ADSS1: variants seen among roughly 807,000 people sequenced by gnomAD.
ADSS1 encodes adenylosuccinate synthase 1.
In ADSS1, 57 loss-of-function variants were observed where a neutral mutation model predicts 59.1. That is an observed-to-expected ratio of 0.97 (90% CI 0.78 to 1.20). The LOEUF is 1.20. Among genes scored for constraint, ADSS1 ranks in the 50% most tolerant of loss-of-function variants. The probability of loss-of-function intolerance (pLI) is 0.00; values close to 1 mark genes in which losing one functional copy is unlikely to be tolerated. For synonymous variants in ADSS1, 247 were observed against 249.4 expected, an observed-to-expected ratio of 0.99 and a Z score of 0.09; for missense variants, 603 against 610.3, an observed-to-expected ratio of 0.99 and a Z score of 0.13.
chr14:104,728,369 C>G (rs1345295845), intron 1 of ADSS1, among the ~76,000 whole-genome samples: 1 of 152,144 alleles, frequency 6.6e-6, no homozygotes, highest in Non-Finnish European at 1.5e-5. Context: ...TACACACAGC[C>G]CTGCCTCATT....
intron 1 of ADSS1, among the ~76,000 whole-genome samples, chr14:104,732,941 A>G (rs1890982752): frequency 6.6e-6 from 1 of 152,112 alleles, no homozygotes; most frequent in Non-Finnish European, 1.5e-5. Context: ...CCCCAAACCC[A>G]GAATCTGTTC....
chr14:104,726,918 G>A (rs1325593819), intron 1 of ADSS1, among the ~76,000 whole-genome samples: 1 of 152,228 alleles, frequency 6.6e-6, no homozygotes, highest in Admixed American at 6.5e-5. Context: ...GCCACCCTGG[G>A]TTTTGGCTAT....
chr14:104,741,398 C>T (rs1891350510), intron 8 of ADSS1, among the ~76,000 whole-genome samples, 155 bp downstream of exon 8: 1 of 152,146 alleles, frequency 6.6e-6, no homozygotes, highest in Non-Finnish European at 1.5e-5. Context: ...TCCTCGTGTC[C>T]TTAGTGTTCC....
At chr14:104,725,942 T>A (rs539074395) in intron 1 of ADSS1, among the ~76,000 whole-genome samples, 140 of 152,342 alleles carry the variant, frequency 9.2e-4, no homozygotes, top group Non-Finnish European at 1.7e-3. Context: ...CGCTCCCAGC[T>A]GTGGAGATGG....
chr14:104,746,740 G>A (rs1157047626), intron 12 of ADSS1, among the ~76,000 whole-genome samples: 1 of 152,246 alleles, frequency 6.6e-6, no homozygotes, highest in East Asian at 1.9e-4. Context: ...TTCCAAGGAA[G>A]AAGGGAGGAG....
At chr14:104,725,021 TG>T (rs1566792065) in intron 1 of ADSS1, among the ~76,000 whole-genome samples, 1 of 152,108 alleles carries the variant, frequency 6.6e-6, no homozygotes, top group Non-Finnish European at 1.5e-5. Context: ...CAGGCCGTCC[TG>T]GGGGGCAATT....
rs149832793 is a variant in ADSS1, at chr14:104,740,654, G to A, written c.530G>A (p.Arg177Gln). 79 of 1,613,708 alleles carry A rather than the reference G, an allele frequency of 4.9e-5. No homozygotes were observed. The highest frequency in any genetic ancestry group is 6.3e-5 in the Non-Finnish European group (74 of 1,180,004). ...IGPTYSSKAA[R>Q]TGLRICDLLS... is the part of the protein sequence containing the mutation. The stretch of plus-strand genomic sequence containing the variant: ...CCAACCTACTCTTCCAAAGCTGCCC[G>A]GACAGGCCTCCGCATCTGCGACCTC... The change falls in exon 6 of 13, where the codon CGG becomes CAG. Residue 177 changes from arginine to glutamine, a missense_variant. Transcript: ENST00000330877. The surrounding 1 kb of genome is among the most constrained non-coding windows in gnomAD (Gnocchi z 4.8).
At position 104,730,216 on chromosome 14, in the gene ADSS1, G is replaced by C. The variant is rs1226551023; in HGVS notation, c.193-4804G>C. On this transcript the variant is annotated intron_variant, in intron 1 of 12. Coordinates refer to ENST00000330877, the MANE Select transcript of ADSS1 (RefSeq NM_152328.5). ...CCTTAACACCTGGAGGGGAGCGGGT[G>C]GGTGCGGTGGCGTACATCTGTAACT... The C allele has an allele frequency of 2.0e-6, 3 of 1,498,458 alleles. No individual in the cohort carries two copies. In the South Asian group the frequency reaches 3.8e-5, roughly 19 times the overall value. The allele number at this position is 1,498,458 out of a possible 1,614,324, so 92.8% of individuals were successfully genotyped here. A position where few individuals can be genotyped will look rare whatever the true frequency, so the allele number is the denominator to read the frequency against.
rs1891291895 is a variant in ADSS1 at position 104,740,228 on chromosome 14, C to T, written c.477-373C>T. Reference sequence around the variant, plus strand: ...GCCTCAGAGAGGTGATGGTCACACACTTACCCACTCACACTCTCACACAGG... The same window carrying T: ...GCCTCAGAGAGGTGATGGTCACACATTTACCCACTCACACTCTCACACAGG... On this transcript the variant is annotated intron_variant, in intron 5 of 12. Coordinates refer to ENST00000330877, the MANE Select transcript of ADSS1 (RefSeq NM_152328.5). The surrounding 1 kb of genome is among the most constrained non-coding windows in gnomAD (Gnocchi z 4.8). Among the ~76,000 whole-genome samples, 1 of 152,092 alleles carries T rather than the reference C, an allele frequency of 6.6e-6. No individual in the cohort carries two copies. The highest frequency in any genetic ancestry group is 1.5e-5 in the Non-Finnish European group (1 of 68,022).
chr14:104,734,891 C>A, intron 1 of ADSS1, 129 bp from the exon 2 acceptor site: 2 of 741,078 alleles, frequency 2.7e-6, no homozygotes, highest in Non-Finnish European at 4.7e-6. Context: ...GAGCTGGCCA[C>A]CAAACCAGAC....
chr14:104,742,013 A>G lies in ADSS1; in HGVS notation c.948+11A>G. ...ACCGAGCAGATCAACGTGAGTCCCC[A>G]GCCCCTCGGGACCCCGTGGGAGGAC... is the stretch of plus-strand genomic sequence containing the variant. On this transcript the variant is annotated intron_variant, in intron 9 of 12. Coordinates refer to ENST00000330877, the MANE Select transcript of ADSS1 (RefSeq NM_152328.5). 3 of 1,612,200 alleles carry G rather than the reference A, an allele frequency of 1.9e-6. No homozygotes were observed. Among genetic ancestry groups the G allele is most frequent in the Non-Finnish European group, 2.5e-6 (3 of 1,179,658 alleles).
chr14:104,726,750 G>T (rs1017492645), intron 1 of ADSS1, among the ~76,000 whole-genome samples: 1 of 152,256 alleles, frequency 6.6e-6, no homozygotes, highest in Non-Finnish European at 1.5e-5. Context: ...AGGACAGAGC[G>T]AGGGCCGAGT....
At chr14:104,724,505 GC>G (rs1595190748) in intron 1 of ADSS1, 43 bp downstream of exon 1, 5 of 1,092,656 alleles carry the variant, frequency 4.6e-6, no homozygotes, top group Non-Finnish European at 5.7e-6. Context: ...CGCCCAGCGA[GC>G]CCCCCTCCCC....
chr14:104,731,730 G>T (rs1267515140), intron 1 of ADSS1, among the ~76,000 whole-genome samples: 1 of 152,214 alleles, frequency 6.6e-6, no homozygotes, highest in Non-Finnish European at 1.5e-5. Flanking sequence ...GCACACACTC[G>T]CCCTGGCTCT....
chr14:104,738,037 T>A, intron 2 of ADSS1: 1 of 245,218 alleles, frequency 4.1e-6, no homozygotes, highest in South Asian at 4.9e-5. Context: ...AGTCTCGCTC[T>A]GTCACCCAGA....
Position 104,732,780 on chromosome 14 carries a change from C to T in ADSS1, c.193-2240C>T, listed in dbSNP as rs78201633. Among the ~76,000 whole-genome samples the T allele has an allele frequency of 6.1e-3, 922 of 152,282 alleles. 11 individuals are homozygous for T. Among genetic ancestry groups the T allele is most frequent in the African/African-American group, 0.021 (881 of 41,572 alleles). On this transcript the variant is annotated intron_variant, in intron 1 of 12. Coordinates refer to ENST00000330877, the MANE Select transcript of ADSS1 (RefSeq NM_152328.5). ...CCTTCTCTCAGTTTCCCTACCTGTC[C>T]TCAGAGACCTCACCCCTGACTGCCC...
At chr14:104,729,860 C>T (rs373456747) in intron 1 of ADSS1, 21 of 1,378,284 alleles carry the variant, frequency 1.5e-5, no homozygotes, top group East Asian at 2.7e-5. Context: ...AGGAGCGTGG[C>T]GTCGGCGTCG....
intron 1 of ADSS1, among the ~76,000 whole-genome samples, chr14:104,726,786 G>A (rs1030183900): frequency 6.6e-6 from 1 of 152,220 alleles, no homozygotes; most frequent in Non-Finnish European, 1.5e-5. Flanking sequence ...AGTGCACGCC[G>A]TGGGCAGAGC....
At chr14:104,733,379 G>T (rs561812389) in intron 1 of ADSS1, among the ~76,000 whole-genome samples, 3 of 152,106 alleles carry the variant, frequency 2.0e-5, no homozygotes, top group African/African-American at 7.2e-5. Context: ...GTGAAGTTAC[G>T]TCCCAGGAGG....
Sources: gnomAD v4.1 joint callset for allele counts (sites outside exome capture counted in the v4.1 genomes callset) on GRCh38, gnomAD v4.1.1 for gene constraint, Gnocchi (gnomAD v3.1) non-coding constraint, MANE v1.5 for transcripts, NCBI Gene and HGNC (gene_info 2026-07-23, HGNC 2026-07-21) for gene names.